NDUFS4: variants seen among roughly 807,000 people sequenced by gnomAD.
The protein encoded by NDUFS4 is NADH dehydrogenase [ubiquinone] iron-sulfur protein 4, mitochondrial.
Under a neutral mutation model 24.3 loss-of-function variants are expected in NDUFS4, and 28 were observed. The observed-to-expected ratio is 1.15, with a 90% CI of 0.85 to 1.58. The LOEUF (loss-of-function observed/expected upper bound fraction) is 1.58, where lower values mean the gene tolerates loss of function less well. Ranked by LOEUF, NDUFS4 falls within the 40% of genes most tolerant of loss-of-function variation. The probability of loss-of-function intolerance (pLI) is 0.00; values close to 1 mark genes in which losing one functional copy is unlikely to be tolerated. For synonymous variants in NDUFS4, 93 were observed against 69.7 expected, an observed-to-expected ratio of 1.34 and a Z score of -1.67; for missense variants, 223 against 207.9, an observed-to-expected ratio of 1.07 and a Z score of -0.45.
At chr5:53,594,978 G>A (rs781605190) in intron 1 of NDUFS4, among the ~76,000 whole-genome samples, 3 of 151,904 alleles carry the variant, frequency 2.0e-5, no homozygotes, top group Non-Finnish European at 4.4e-5. Context: ...CAGACATTAT[G>A]CTTCCATGAA....
intron 2 of NDUFS4, among the ~76,000 whole-genome samples, chr5:53,618,072 T>A (rs910421090): frequency 3.9e-5 from 6 of 151,958 alleles, no homozygotes; most frequent in African/African-American, 1.5e-4. Flanking sequence ...AGCCTAGGAG[T>A]TTGAGACCAG....
chr5:53,590,785 AC>A (rs1749927585), intron 1 of NDUFS4, among the ~76,000 whole-genome samples: 1 of 152,202 alleles, frequency 6.6e-6, no homozygotes, highest in Non-Finnish European at 1.5e-5. Flanking sequence ...GTTTATACAT[AC>A]TATGAAATTT....
chr5:53,639,561 A>G (rs1437054294), intron 2 of NDUFS4, among the ~76,000 whole-genome samples: 1 of 152,038 alleles, frequency 6.6e-6, no homozygotes, highest in African/African-American at 2.4e-5. Flanking sequence ...TTAAGTTGAC[A>G]TCTTGTATAA....
chr5:53,618,057 A>T (rs1750905880), intron 2 of NDUFS4, among the ~76,000 whole-genome samples: 1 of 152,158 alleles, frequency 6.6e-6, no homozygotes, highest in Non-Finnish European at 1.5e-5. Flanking sequence ...TGTGAGGATC[A>T]CTTGAGCCTA....
chr5:53,587,945 T>C (rs976807426), intron 1 of NDUFS4, among the ~76,000 whole-genome samples: 1 of 152,216 alleles, frequency 6.6e-6, no homozygotes, highest in African/African-American at 2.4e-5. Flanking sequence ...AGTCACATGA[T>C]TGGGTATAAT....
At chr5:53,611,283 G>A (rs1023603060) in intron 2 of NDUFS4, among the ~76,000 whole-genome samples, 1 of 150,634 alleles carries the variant, frequency 6.6e-6, no homozygotes, top group Non-Finnish European at 1.5e-5. Flanking sequence ...AATGTAGAAA[G>A]GAAAAGTCTG....
At chr5:53,632,131 T>C (rs544202279) in intron 2 of NDUFS4, among the ~76,000 whole-genome samples, 1 of 152,340 alleles carries the variant, frequency 6.6e-6, no homozygotes, top group South Asian at 2.1e-4. Context: ...TGCTGGGAGC[T>C]GCAGACCAGA....
chr5:53,650,190 ATTAT>A (rs1217318167), intron 3 of NDUFS4, among the ~76,000 whole-genome samples: 3 of 152,188 alleles, frequency 2.0e-5, no homozygotes, highest in African/African-American at 7.2e-5. Context: ...GTAATAAATG[ATTAT>A]TTGAGTACTT....
chr5:53,608,882 A>G (rs1750611792), intron 2 of NDUFS4, among the ~76,000 whole-genome samples: 1 of 152,248 alleles, frequency 6.6e-6, no homozygotes, highest in South Asian at 2.1e-4. Flanking sequence ...TTATAAAAGC[A>G]CTTTACAACT....
rs553912880 is a variant in NDUFS4, at chr5:53,613,379, A to G, written c.177+9849A>G. 4.0e-4 allele frequency among the ~76,000 whole-genome samples: 61 copies of G among 152,126 alleles called. No homozygotes were observed. The South Asian group carries it at 0.012, about 30-fold the overall frequency. ...TATTCACTAAGTAGTATTTCATTTT[A>G]CATCAAAGAATAGCAGCCTTTGAGA... On this transcript the variant is annotated intron_variant, in intron 2 of 4. Coordinates refer to ENST00000296684, the MANE Select transcript of NDUFS4 (RefSeq NM_002495.4).
chr5:53,622,566 C>A (rs535895852), intron 2 of NDUFS4, among the ~76,000 whole-genome samples: 5 of 152,154 alleles, frequency 3.3e-5, no homozygotes, highest in African/African-American at 1.2e-4. Flanking sequence ...CCCAAAGGCC[C>A]CATTTCTAAA....
intron 4 of NDUFS4, among the ~76,000 whole-genome samples, chr5:53,679,179 G>A (rs1172776968): frequency 6.6e-6 from 1 of 152,106 alleles, no homozygotes; most frequent in Admixed American, 6.6e-5. Flanking sequence ...TTTGCGTTTA[G>A]AGAAGCACAG....
chr5:53,604,775 C>T (rs1328607044), intron 2 of NDUFS4: 2 of 456,124 alleles, frequency 4.4e-6, no homozygotes, highest in East Asian at 6.9e-5. Flanking sequence ...CACACCAAGC[C>T]TGGAACTTGC....
chr5:53,587,820 C>T (rs1034391125), intron 1 of NDUFS4, among the ~76,000 whole-genome samples: 1 of 152,156 alleles, frequency 6.6e-6, no homozygotes, highest in East Asian at 1.9e-4. Context: ...CTCAAGGGAT[C>T]CACCGGCCTC....
At chr5:53,646,196 T>C (rs1200847295) in intron 2 of NDUFS4, 37 bp from the exon 3 acceptor site, 1 of 1,503,732 alleles carries the variant, frequency 6.7e-7, no homozygotes, top group Non-Finnish European at 9.2e-7. Flanking sequence ...GTATGTAGGC[T>C]GTTTGAAACG....
chr5:53,586,838 T>G (rs776825376), intron 1 of NDUFS4, among the ~76,000 whole-genome samples: 1 of 152,122 alleles, frequency 6.6e-6, no homozygotes, highest in South Asian at 2.1e-4. Context: ...CTTCCTTTTT[T>G]TTGAGATGGA....
intron 1 of NDUFS4, among the ~76,000 whole-genome samples, chr5:53,594,424 T>C (rs1309252581): frequency 6.6e-6 from 1 of 152,128 alleles, no homozygotes; most frequent in East Asian, 1.9e-4. Flanking sequence ...GTCTTTATAA[T>C]TAAAAATGGG....
chr5:53,617,130 T>C (rs901750362), intron 2 of NDUFS4, among the ~76,000 whole-genome samples: 4 of 152,214 alleles, frequency 2.6e-5, no homozygotes, highest in African/African-American at 9.6e-5. Context: ...GCTGAGGTGC[T>C]GTCCACCAGT....
intron 3 of NDUFS4, among the ~76,000 whole-genome samples, chr5:53,656,049 G>T (rs776972793): frequency 6.6e-6 from 1 of 151,974 alleles, no homozygotes; most frequent in Non-Finnish European, 1.5e-5. Flanking sequence ...CCTGGACTCC[G>T]TCTCCAGGCT....
Sources: allele counts gnomAD v4.1 joint callset (sites outside exome capture counted in the v4.1 genomes callset), GRCh38; gene constraint gnomAD v4.1.1; transcripts MANE v1.5; gene names NCBI Gene and HGNC (gene_info 2026-07-23, HGNC 2026-07-21).